The following SLC22A15 variants were observed in gnomAD, a reference collection of about 807,000 sequenced individuals.
SLC22A15 encodes the protein flipt 1.
A neutral mutation model predicts 62.7 loss-of-function variants in SLC22A15; 45 were observed. The observed-to-expected ratio is 0.72, with a 90% CI of 0.56 to 0.92. The LOEUF is 0.92. Ranked by LOEUF, SLC22A15 falls within the 40% of genes least tolerant of loss-of-function variation. The probability of loss-of-function intolerance (pLI) is 0.00; values close to 1 mark genes in which losing one functional copy is unlikely to be tolerated. For missense variants in SLC22A15, 622 were observed against 665.6 expected (o/e 0.93, Z 0.72); for synonymous variants, 264 against 267.0 (o/e 0.99, Z 0.11).
intron 2 of SLC22A15, chr1:116,017,368 C>CAAAAAAAAAAAAAAAAAA (rs558402209): frequency 7.1e-5 from 6 of 84,860 alleles, no homozygotes; most frequent in Non-Finnish European, 1.2e-4. Flanking sequence ...GAAACCCTGC[C>CAAAAAAAAAAAAAAAAAA]AAAAAAAAAA....
chr1:115,996,576 TTC>T (rs985524809), intron 2 of SLC22A15, among the ~76,000 whole-genome samples: 2 of 151,994 alleles, frequency 1.3e-5, no homozygotes, highest in East Asian at 1.9e-4. Context: ...ATCTAAATAT[TTC>T]TTTTTCTTTT....
At chr1:116,028,973 C>T (rs1490840553) in intron 5 of SLC22A15, among the ~76,000 whole-genome samples, 2 of 152,144 alleles carry the variant, frequency 1.3e-5, no homozygotes, top group Non-Finnish European at 2.9e-5. Flanking sequence ...CACCCATACC[C>T]TTTGAGTGGC....
chr1:116,019,717 A>G lies in SLC22A15; in HGVS notation c.433+3A>G. Reference sequence around the variant, plus strand: ...AAGGAAAAAAGTCTATCTCACAGGTAATCTATTAGAGTATTCATAAACTGG... The same window carrying G: ...AAGGAAAAAAGTCTATCTCACAGGTGATCTATTAGAGTATTCATAAACTGG... On this transcript the variant is annotated splice_donor_region_variant and intron_variant, in intron 3 of 11. Coordinates refer to ENST00000369503, the MANE Select transcript of SLC22A15 (RefSeq NM_018420.3). 2 of 1,609,628 alleles carry G rather than the reference A, an allele frequency of 1.2e-6. No individual in the cohort carries two copies. Among genetic ancestry groups the G allele is most frequent in the Middle Eastern group, 1.7e-4 (1 of 6,034 alleles).
intron 5 of SLC22A15, chr1:116,027,441 G>A (rs1657150556): frequency 4.1e-6 from 2 of 482,478 alleles, no homozygotes; most frequent in Non-Finnish European, 8.5e-6. Flanking sequence ...TGTCATTTCA[G>A]GGCCTCTAAA....
intron 1 of SLC22A15, among the ~76,000 whole-genome samples, chr1:115,985,987 A>G (rs2101066397): frequency 6.6e-6 from 1 of 151,866 alleles, no homozygotes; most frequent in Middle Eastern, 3.4e-3. Flanking sequence ...ATGCGATTAA[A>G]TACTTTGTTC....
At chr1:116,027,190 G>C (rs1202132980) in intron 5 of SLC22A15, 168 bp downstream of exon 5, 4 of 685,254 alleles carry the variant, frequency 5.8e-6, no homozygotes, top group Non-Finnish European at 1.1e-5. Context: ...CCTGGGAAGA[G>C]AGATGCTTAA....
chr1:116,060,104 C>A (rs1286931606), intron 8 of SLC22A15, among the ~76,000 whole-genome samples: 3 of 152,194 alleles, frequency 2.0e-5, no homozygotes, highest in Non-Finnish European at 4.4e-5. Context: ...TCCAGGGAAC[C>A]AGTCTAACGG....
At chr1:115,976,841 G>T in intron 1 of SLC22A15, 127 bp downstream of exon 1, 1 of 698,090 alleles carries the variant, frequency 1.4e-6, no homozygotes, top group South Asian at 1.8e-5. Flanking sequence ...GAGGTGTGGC[G>T]AGCGTCGGGG....
chr1:115,981,539 C>G (rs1411079613), intron 1 of SLC22A15, among the ~76,000 whole-genome samples: 1 of 152,170 alleles, frequency 6.6e-6, no homozygotes, highest in Non-Finnish European at 1.5e-5. Context: ...CCCACACTGG[C>G]CCCCACACCC....
At chr1:116,050,980 C>CA in intron 8 of SLC22A15, among the ~76,000 whole-genome samples, 1 of 151,854 alleles carries the variant, frequency 6.6e-6, no homozygotes, top group South Asian at 2.1e-4. Context: ...TGGTAGCTGC[C>CA]AAAAAATAAA....
intron 7 of SLC22A15, 88 bp from the exon 8 acceptor site, chr1:116,037,215 T>C: frequency 8.6e-7 from 1 of 1,167,168 alleles, no homozygotes; most frequent in East Asian, 2.4e-5. Flanking sequence ...ATAATGAAAC[T>C]GAAGATTTTT....
chr1:115,976,731 C>A lies in SLC22A15; in HGVS notation c.87+17C>A. On this transcript the variant is annotated intron_variant, in intron 1 of 11. Coordinates refer to ENST00000369503, the MANE Select transcript of SLC22A15 (RefSeq NM_018420.3). ...CTGCTGCAGGTAAGTCCCCGCGGCC[C>A]CGCAGCCGCATTTCCCTCTTCAGGG... 2 of 1,569,364 alleles carry A rather than the reference C, an allele frequency of 1.3e-6. No individual in the cohort carries two copies. The highest frequency in any genetic ancestry group is 1.7e-6 in the Non-Finnish European group (2 of 1,158,576).
chr1:115,976,829 C>T (rs922183468), intron 1 of SLC22A15, 115 bp downstream of exon 1: 2 of 788,916 alleles, frequency 2.5e-6, no homozygotes, highest in Non-Finnish European at 3.9e-6. Context: ...TCTGCAAACA[C>T]CGAGGTGTGG....
At position 115,996,391 on chromosome 1, in the gene SLC22A15, C is replaced by T. The variant is rs553893266; in HGVS notation, c.300+4148C>T. Among the ~76,000 whole-genome samples, 5 of 152,236 alleles carry T rather than the reference C, an allele frequency of 3.3e-5. No homozygotes were observed. The South Asian group carries it at 1.0e-3, about 32-fold the overall frequency. ...TTTGATAGAAGTTGTGTTAAACCTG[C>T]ATATCAATTTGGGGAGAATCAACGT... On this transcript the variant is annotated intron_variant, in intron 2 of 11. Transcript: ENST00000369503.
At chr1:115,985,121 C>T (rs879695928) in intron 1 of SLC22A15, among the ~76,000 whole-genome samples, 3 of 152,208 alleles carry the variant, frequency 2.0e-5, no homozygotes, top group Non-Finnish European at 4.4e-5. Flanking sequence ...CATTCAGTGA[C>T]TCACGCAGGG....
chr1:115,996,729 T>C (rs1423714559), intron 2 of SLC22A15, among the ~76,000 whole-genome samples: 2 of 151,802 alleles, frequency 1.3e-5, no homozygotes, highest in Non-Finnish European at 2.9e-5. Flanking sequence ...ATTATTTCTT[T>C]TGGGAAATTT....
At chr1:116,062,975 T>G in intron 9 of SLC22A15, 93 bp downstream of exon 9, 7 of 1,503,510 alleles carry the variant, frequency 4.7e-6, no homozygotes, top group Non-Finnish European at 4.5e-6. Flanking sequence ...TTCATCTGCT[T>G]CTGGAGTTAG....
intron 1 of SLC22A15, among the ~76,000 whole-genome samples, chr1:115,984,401 C>T (rs758147411): frequency 1.3e-5 from 2 of 152,162 alleles, no homozygotes; most frequent in Non-Finnish European, 2.9e-5. Context: ...CTCTCATGAA[C>T]TTCATTCCCA....
In SLC22A15 at chr1:116,026,874, T is replaced by A; in HGVS notation, c.599-19T>A. Reference sequence around the variant, plus strand: ...AGATGGTGCTTTCTCCAGTGACAGTTCTCTTTTCCCTGAATTAGGATCGAT... The same window carrying A: ...AGATGGTGCTTTCTCCAGTGACAGTACTCTTTTCCCTGAATTAGGATCGAT... On this transcript the variant is annotated intron_variant, in intron 4 of 11. Coordinates refer to ENST00000369503, the MANE Select transcript of SLC22A15 (RefSeq NM_018420.3). 3 of 1,611,308 alleles carry A rather than the reference T, an allele frequency of 1.9e-6. No individual in the cohort carries two copies. Among genetic ancestry groups the A allele is most frequent in the Non-Finnish European group, 2.5e-6 (3 of 1,179,226 alleles).
Sources: gnomAD v4.1 joint callset for allele counts (sites outside exome capture counted in the v4.1 genomes callset) on GRCh38, gnomAD v4.1.1 for gene constraint, MANE v1.5 for transcripts, NCBI Gene and HGNC (gene_info 2026-07-23, HGNC 2026-07-21) for gene names.